The following SLC24A2 variants were observed in gnomAD, a reference collection of about 807,000 sequenced individuals.
SLC24A2 encodes sodium/potassium/calcium exchanger 2.
Under a neutral mutation model 62.0 loss-of-function variants are expected in SLC24A2, and 36 were observed. The ratio of observed to expected loss-of-function variants is 0.58; its 90% CI spans 0.44 to 0.77. SLC24A2 has a LOEUF of 0.77. Among genes scored for constraint, SLC24A2 ranks in the 30% least tolerant of loss-of-function variants. The pLI, the probability that SLC24A2 is intolerant of heterozygous loss-of-function variation, is 0.00. For missense variants in SLC24A2, 846 were observed against 817.9 expected (o/e 1.03, Z -0.42); for synonymous variants, 358 against 294.0 (o/e 1.22, Z -2.23).
chr9:19,561,337 C>CGTGT (rs1270511305), intron 7 of SLC24A2, among the ~76,000 whole-genome samples: 2 of 149,866 alleles, frequency 1.3e-5, no homozygotes, highest in African/African-American at 4.9e-5. Flanking sequence ...GGTAAGTTTA[C>CGTGT]GTGTTTCTTA....
chr9:19,837,570 C>T, the SLC24A2 span, among the ~76,000 whole-genome samples: 11 of 145,746 alleles, frequency 7.5e-5, 1 homozygote, highest in Admixed American at 1.4e-4. Context: ...CTGGCCAGGG[C>T]AATCAGGCAG....
At chr9:20,274,822 C>T in the SLC24A2 span, among the ~76,000 whole-genome samples, 5 of 152,084 alleles carry the variant, frequency 3.3e-5, no homozygotes, top group East Asian at 9.7e-4. Context: ...TGTCAGACCC[C>T]TCTCTGCACT....
At chr9:20,294,859 G>T in the SLC24A2 span, among the ~76,000 whole-genome samples, 1 of 152,000 alleles carries the variant, frequency 6.6e-6, no homozygotes, top group African/African-American at 2.4e-5. Context: ...GTTCCTACAA[G>T]CCTGAGCTCT....
At chr9:20,267,058 G>GAAA in the SLC24A2 span, among the ~76,000 whole-genome samples, 14,619 of 127,378 alleles carry the variant, frequency 0.11, 772 homozygotes, top group Middle Eastern at 0.18. Flanking sequence ...CTTAAGAAAT[G>GAAA]AAAAAAAAAA....
At chr9:20,293,170 T>C in the SLC24A2 span, among the ~76,000 whole-genome samples, 1 of 152,240 alleles carries the variant, frequency 6.6e-6, no homozygotes, top group South Asian at 2.1e-4. Flanking sequence ...TCTTCTTAAA[T>C]AATTACATCG....
At chr9:19,636,286 C>CTTCTTTTCTTTTCTT (rs1207223868) in intron 2 of SLC24A2, among the ~76,000 whole-genome samples, 1,476 of 87,990 alleles carry the variant, frequency 0.017, 123 homozygotes, top group Middle Eastern at 0.026. Context: ...CTCTTCTTCT[C>CTTCTTTTCTTTTCTT]TTCTTTTCTT....
chr9:19,935,291 G>T, the SLC24A2 span, among the ~76,000 whole-genome samples: 3 of 151,940 alleles, frequency 2.0e-5, no homozygotes, highest in Admixed American at 2.0e-4. Context: ...TAACAACTTT[G>T]CTGGATGATT....
At chr9:19,530,078 CTTTT>C (rs11365952) in intron 8 of SLC24A2, among the ~76,000 whole-genome samples, 13 of 124,922 alleles carry the variant, frequency 1.0e-4, no homozygotes, top group Non-Finnish European at 1.2e-4. Context: ...ATAAAAGCAG[CTTTT>C]TTTTTTTTTT....
At chr9:20,012,312 G>C in the SLC24A2 span, among the ~76,000 whole-genome samples, 1 of 152,162 alleles carries the variant, frequency 6.6e-6, no homozygotes, top group African/African-American at 2.4e-5. Context: ...AGAGACAAGA[G>C]CTTGTGCAGG....
At chr9:19,726,678 T>C (rs1348770294) in intron 2 of SLC24A2, among the ~76,000 whole-genome samples, 1 of 152,226 alleles carries the variant, frequency 6.6e-6, no homozygotes, top group Non-Finnish European at 1.5e-5. Context: ...TTGTCATGCA[T>C]ATGACTCACT....
At chr9:20,085,330 G>C in the SLC24A2 span, among the ~76,000 whole-genome samples, 1 of 152,088 alleles carries the variant, frequency 6.6e-6, no homozygotes, top group African/African-American at 2.4e-5. Flanking sequence ...TTTAGCTTAA[G>C]GCTTTAATTA....
chr9:19,634,071 T>C (rs898292318), intron 2 of SLC24A2, among the ~76,000 whole-genome samples: 4 of 152,118 alleles, frequency 2.6e-5, no homozygotes, highest in African/African-American at 9.7e-5. Flanking sequence ...TATAATTTTA[T>C]GTCATGGTCT....
At chr9:20,167,146 C>G in the SLC24A2 span, among the ~76,000 whole-genome samples, 1 of 151,982 alleles carries the variant, frequency 6.6e-6, no homozygotes, top group South Asian at 2.1e-4. Context: ...ATGTTGTAAA[C>G]ACACTGAATG....
chr9:20,023,167 T>C, the SLC24A2 span, among the ~76,000 whole-genome samples: 1 of 152,204 alleles, frequency 6.6e-6, no homozygotes, highest in Non-Finnish European at 1.5e-5. Flanking sequence ...TATATTTTCA[T>C]AATAGATGTG....
chr9:20,204,884 C>T, the SLC24A2 span, among the ~76,000 whole-genome samples: 5 of 151,966 alleles, frequency 3.3e-5, no homozygotes, highest in Non-Finnish European at 7.4e-5. Context: ...GCCTGGACTA[C>T]AGGCGCGCAC....
At chr9:20,277,489 T>G in the SLC24A2 span, among the ~76,000 whole-genome samples, 2 of 150,260 alleles carry the variant, frequency 1.3e-5, no homozygotes, top group South Asian at 2.1e-4. Flanking sequence ...TGAAAAAATG[T>G]TCATCATCAC....
intron 2 of SLC24A2, among the ~76,000 whole-genome samples, chr9:19,708,114 GACAA>G (rs1405268578): frequency 8.5e-5 from 13 of 152,048 alleles, no homozygotes; most frequent in Admixed American, 1.3e-4. Flanking sequence ...ACCAATAACA[GACAA>G]ACAGAGAGCC....
chr9:20,100,021 C>CT, the SLC24A2 span, among the ~76,000 whole-genome samples: 759 of 151,016 alleles, frequency 5.0e-3, 11 homozygotes, highest in African/African-American at 0.017. Flanking sequence ...TCCTATTCAT[C>CT]TTTTTTTTTC....
At chr9:20,105,455 T>A in the SLC24A2 span, among the ~76,000 whole-genome samples, 4 of 151,150 alleles carry the variant, frequency 2.6e-5, no homozygotes, top group Admixed American at 2.0e-4. Flanking sequence ...GAAGTAAAGC[T>A]CTCCTCAGCA....
Sources: allele counts gnomAD v4.1 joint callset (sites outside exome capture counted in the v4.1 genomes callset), GRCh38; gene constraint gnomAD v4.1.1; transcripts MANE v1.5; gene names NCBI Gene and HGNC (gene_info 2026-07-23, HGNC 2026-07-21).